Variants in RNF24 observed in about 807,000 individuals in gnomAD.
The protein encoded by RNF24 is ring finger protein 24.
A neutral mutation model predicts 20.0 loss-of-function variants in RNF24; 14 were observed. That is an observed-to-expected ratio of 0.70 (90% CI 0.46 to 1.10). The LOEUF is 1.10. Ranked by LOEUF, RNF24 falls within the 50% of genes least tolerant of loss-of-function variation. The probability of loss-of-function intolerance (pLI) is 0.00; values close to 1 mark genes in which losing one functional copy is unlikely to be tolerated. For missense variants in RNF24, 124 were observed against 177.6 expected, an observed-to-expected ratio of 0.70 and a Z score of 1.71; for synonymous variants, 45 against 61.1, an observed-to-expected ratio of 0.74 and a Z score of 1.23.
In RNF24 at chr20:3,948,798, A is replaced by C. The variant is rs2091049246; in HGVS notation, c.144-519T>G. Among the ~76,000 whole-genome samples, 3 of 152,214 alleles carry C rather than the reference A, an allele frequency of 2.0e-5. No individual in the cohort carries two copies. The South Asian group carries it at 6.2e-4, about 32-fold the overall frequency. ...TATGCCTGTTTTTGAACTTCATGTAAATGGATCGTTTGGTATATACTCTTT... is the reference window on the plus strand; with the variant it reads ...TATGCCTGTTTTTGAACTTCATGTACATGGATCGTTTGGTATATACTCTTT... On this transcript the variant is annotated intron_variant, in intron 2 of 5. Coordinates refer to ENST00000358395, the MANE Select transcript of RNF24 (RefSeq NM_001134337.3).
chr20:3,957,673 C>A (rs971311177), intron 2 of RNF24, among the ~76,000 whole-genome samples: 1 of 151,920 alleles, frequency 6.6e-6, no homozygotes, highest in Admixed American at 6.6e-5. Context: ...CAAAATTCAT[C>A]CCTTCTAGAA....
intron 1 of RNF24, among the ~76,000 whole-genome samples, chr20:3,992,411 C>T (rs565136924): frequency 3.9e-5 from 6 of 152,190 alleles, no homozygotes; most frequent in South Asian, 2.1e-4. Flanking sequence ...ACATGAAATA[C>T]GGACTTAGAA....
chr20:3,975,328 T>C (rs772694547), intron 1 of RNF24, among the ~76,000 whole-genome samples: 26 of 152,194 alleles, frequency 1.7e-4, no homozygotes, highest in Middle Eastern at 6.8e-3. Flanking sequence ...GAGAAGATAT[T>C]TGGGATCTAG....
chr20:3,948,197 G>GAA, intron 3 of RNF24, 40 bp downstream of exon 3: 11 of 1,309,606 alleles, frequency 8.4e-6, no homozygotes, highest in East Asian at 5.1e-5. Context: ...TTTTTGGGGG[G>GAA]AAAAAAAAAA....
At chr20:3,972,930 G>A (rs1246989028) in intron 1 of RNF24, among the ~76,000 whole-genome samples, 1 of 149,232 alleles carries the variant, frequency 6.7e-6, no homozygotes, top group Non-Finnish European at 1.5e-5. Context: ...GGGCTGGACG[G>A]GATGGCTCAC....
intron 1 of RNF24, among the ~76,000 whole-genome samples, chr20:3,985,856 C>T (rs141456681): frequency 1.4e-4 from 22 of 152,066 alleles, no homozygotes; most frequent in Non-Finnish European, 2.2e-4. Context: ...CTCCTACCTC[C>T]GCCTCCCGAG....
intron 4 of RNF24, among the ~76,000 whole-genome samples, chr20:3,944,713 A>G (rs241632): frequency 0.31 from 47,358 of 152,090 alleles, 8,105 homozygotes; most frequent in African/African-American, 0.46. Context: ...CCGAAGAGCT[A>G]AACAATCCCA....
chr20:3,974,380 T>C, intron 1 of RNF24: 3 of 1,549,516 alleles, frequency 1.9e-6, no homozygotes, highest in African/African-American at 1.4e-5. Flanking sequence ...ACCACTCTTA[T>C]TCAACATAGT....
rs2090740136 is a variant in RNF24, at chr20:3,927,462, T to C, written c.*6601A>G. 2 of 152,354 alleles carry C rather than the reference T, an allele frequency of 1.3e-5. No homozygotes were observed. Among genetic ancestry groups the C allele is most frequent in the East Asian group, 1.9e-4 (1 of 5,192 alleles). The allele number at this position is 152,354 out of a possible 1,614,324, so 9.4% of individuals were successfully genotyped here. A position where few individuals can be genotyped will look rare whatever the true frequency, so the allele number is the denominator to read the frequency against. On this transcript the variant is annotated 3_prime_UTR_variant, in exon 6 of 6. Transcript: ENST00000358395. ...AAAAAACTGCGAATGTTTAAAAATA[T>C]TCTGCTGCAGAATTTTTAGTGTACA...
In RNF24 at chr20:3,963,927, T is replaced by C; in HGVS notation, c.91A>G (p.Thr31Ala). ...PLNIYIVVFG[T>A]AIFVFILSLL... ...CTAAGGATGAAGACAAATATAGCAGTACCAAAAACCACAATATATATGTTG... is the reference window on the plus strand; with the variant it reads ...CTAAGGATGAAGACAAATATAGCAGCACCAAAAACCACAATATATATGTTG... The change falls in exon 2 of 6, where the codon ACT becomes GCT. Residue 31 changes from threonine to alanine, a missense_variant. Thr to Ala is a moderately conservative substitution (Grantham distance 58, BLOSUM62 0). Coordinates refer to ENST00000358395, the MANE Select transcript of RNF24 (RefSeq NM_001134337.3). The C allele has an allele frequency of 6.2e-7, 1 of 1,610,844 alleles. No individual in the cohort carries two copies. Among genetic ancestry groups the C allele is most frequent in the Non-Finnish European group, 8.5e-7 (1 of 1,178,238 alleles).
chr20:3,934,538 A>G lies in RNF24; in HGVS notation c.309-337T>C, dbSNP rs2090866989. Among the ~76,000 whole-genome samples, 2 of 152,210 alleles carry G rather than the reference A, an allele frequency of 1.3e-5. No individual in the cohort carries two copies. The highest frequency in any genetic ancestry group is 6.5e-5 in the Admixed American group (1 of 15,290). ...AGGGATGTGAGAAGTAGGAAAATAA[A>G]TTTTTCTAACAGAAATACAAAACAA... On this transcript the variant is annotated intron_variant, in intron 5 of 5. Transcript: ENST00000358395. This position sits in a 1 kb window ranked among gnomAD's most constrained non-coding sequence, Gnocchi z 4.0.
At chr20:3,985,375 C>A (rs1441671331) in intron 1 of RNF24, among the ~76,000 whole-genome samples, 1 of 152,176 alleles carries the variant, frequency 6.6e-6, no homozygotes, top group Non-Finnish European at 1.5e-5. Flanking sequence ...AGATGTGTGG[C>A]ACCATGCCTC....
At chr20:3,986,311 G>A (rs1039021739) in intron 1 of RNF24, among the ~76,000 whole-genome samples, 1 of 151,856 alleles carries the variant, frequency 6.6e-6, no homozygotes, top group Non-Finnish European at 1.5e-5. Flanking sequence ...GGGTGCAGTA[G>A]TGCAATCATA....
Position 3,931,151 on chromosome 20 carries a change from T to G in RNF24, c.*2912A>C, listed in dbSNP as rs963993323. 6.6e-6 allele frequency: 1 copy of G among 152,090 alleles called. No individual in the cohort carries two copies. Among genetic ancestry groups the G allele is most frequent in the Non-Finnish European group, 1.5e-5 (1 of 68,032 alleles). 9.4% of individuals were successfully genotyped at this position (152,090 alleles called of 1,614,324 possible). A position where few individuals can be genotyped will look rare whatever the true frequency, so the allele number is the denominator to read the frequency against. On this transcript the variant is annotated 3_prime_UTR_variant, in exon 6 of 6. Coordinates refer to ENST00000358395, the MANE Select transcript of RNF24 (RefSeq NM_001134337.3). ...ACTAATGGTTCAGCCACCCGTGGAG[T>G]CCAGTTGGGGCTGAGTTATGCTCCA...
chr20:3,977,922 C>T (rs1368378495), intron 1 of RNF24, among the ~76,000 whole-genome samples: 1 of 151,546 alleles, frequency 6.6e-6, no homozygotes, highest in East Asian at 1.9e-4. Context: ...ACAAAAAACC[C>T]CAGAAAGACT....
At chr20:3,950,356 G>A (rs1307751109) in intron 2 of RNF24, among the ~76,000 whole-genome samples, 1 of 152,130 alleles carries the variant, frequency 6.6e-6, no homozygotes, top group African/African-American at 2.4e-5. Context: ...CGGAAAAGAA[G>A]GCCATGTGAA....
At chr20:3,967,364 C>T (rs774840691) in intron 1 of RNF24, among the ~76,000 whole-genome samples, 2 of 151,884 alleles carry the variant, frequency 1.3e-5, no homozygotes, top group Non-Finnish European at 2.9e-5. Context: ...CCTTTTTTTC[C>T]CCTTATGTAA....
At chr20:3,973,651 C>G (rs1363157481) in intron 1 of RNF24, among the ~76,000 whole-genome samples, 1 of 151,384 alleles carries the variant, frequency 6.6e-6, no homozygotes, top group Non-Finnish European at 1.5e-5. Context: ...ATAAATAAAA[C>G]AGACCAATTC....
At chr20:3,981,432 T>C (rs1979368816) in intron 1 of RNF24, among the ~76,000 whole-genome samples, 1 of 152,178 alleles carries the variant, frequency 6.6e-6, no homozygotes, top group African/African-American at 2.4e-5. Flanking sequence ...TTTTCCAATT[T>C]AGTCAACTAT....
Sources: gnomAD v4.1 joint callset for allele counts (sites outside exome capture counted in the v4.1 genomes callset) on GRCh38, gnomAD v4.1.1 for gene constraint, Gnocchi (gnomAD v3.1) non-coding constraint, MANE v1.5 for transcripts, NCBI Gene and HGNC (gene_info 2026-07-23, HGNC 2026-07-21) for gene names.